Variants in SNTB1 observed in about 807,000 individuals in gnomAD.
SNTB1 encodes syntrophin beta 1.
In SNTB1, 36 loss-of-function variants were observed where a neutral mutation model predicts 48.9. The ratio of observed to expected loss-of-function variants is 0.74; its 90% confidence interval spans 0.56 to 0.97. The LOEUF (loss-of-function observed/expected upper bound fraction) is 0.97, where lower values mean the gene tolerates loss of function less well. Ranked by LOEUF, SNTB1 falls within the 50% of genes least tolerant of loss-of-function variation. The probability of loss-of-function intolerance (pLI) is 0.00; values close to 1 mark genes in which losing one functional copy is unlikely to be tolerated. For missense variants in SNTB1, 786 were observed against 703.4 expected (o/e 1.12, Z -1.33); for synonymous variants, 299 against 294.6 (o/e 1.01, Z -0.15).
At chr8:120,789,094 C>T (rs2130147723) in intron 1 of SNTB1, among the ~76,000 whole-genome samples, 2 of 152,062 alleles carry the variant, frequency 1.3e-5, no homozygotes, top group South Asian at 4.1e-4. Context: ...AAGTAACCTT[C>T]AAACCATACA....
At chr8:120,806,743 A>G (rs1229544984) in intron 1 of SNTB1, among the ~76,000 whole-genome samples, 1 of 152,190 alleles carries the variant, frequency 6.6e-6, no homozygotes, top group Admixed American at 6.5e-5. Flanking sequence ...TGTAAAAGTG[A>G]AACTAGTAGA....
At chr8:120,571,781 G>A (rs182821759) in intron 4 of SNTB1, among the ~76,000 whole-genome samples, 85 of 152,242 alleles carry the variant, frequency 5.6e-4, no homozygotes, top group South Asian at 1.0e-3. Context: ...TTACAGGCAT[G>A]AGCCAGCATA....
intron 1 of SNTB1, among the ~76,000 whole-genome samples, chr8:120,766,236 A>G (rs1313740326): frequency 6.6e-6 from 1 of 152,138 alleles, no homozygotes; most frequent in Non-Finnish European, 1.5e-5. Context: ...AATCCTCACA[A>G]TGAGGTTAGT....
intron 1 of SNTB1, among the ~76,000 whole-genome samples, chr8:120,754,029 T>A (rs1819268825): frequency 6.6e-6 from 1 of 152,158 alleles, no homozygotes; most frequent in Non-Finnish European, 1.5e-5. Flanking sequence ...GACTAAAGTT[T>A]GTAAACTAAT....
chr8:120,633,322 C>G (rs1336055185), intron 2 of SNTB1, among the ~76,000 whole-genome samples: 1 of 152,108 alleles, frequency 6.6e-6, no homozygotes, highest in Non-Finnish European at 1.5e-5. Flanking sequence ...ATTTAAAGTC[C>G]AGGCCCACCA....
At chr8:120,617,154 T>C (rs1441792648) in intron 3 of SNTB1, among the ~76,000 whole-genome samples, 1 of 152,228 alleles carries the variant, frequency 6.6e-6, no homozygotes, top group Non-Finnish European at 1.5e-5. Context: ...ATTTTGTGTG[T>C]GGGCCAAGAC....
chr8:120,693,653 G>T, intron 2 of SNTB1, 39 bp downstream of exon 2: 1 of 1,572,890 alleles, frequency 6.4e-7, no homozygotes, highest in Non-Finnish European at 8.7e-7. Context: ...AGAGGCCGAG[G>T]AGCTGCTTGA....
intron 5 of SNTB1, among the ~76,000 whole-genome samples, chr8:120,544,790 CTTT>C (rs113100073): frequency 3.1e-3 from 353 of 114,122 alleles, no homozygotes; most frequent in Non-Finnish European, 4.5e-3. Flanking sequence ...AAATTCAAAA[CTTT>C]TTTTTTTTTT....
intron 1 of SNTB1, chr8:120,775,528 T>G (rs1045689356): frequency 5.9e-5 from 9 of 151,318 alleles, no homozygotes; most frequent in African/African-American, 2.2e-4. Context: ...ATACTAGCAG[T>G]AAGTATAAAA....
chr8:120,678,300 T>C (rs944742175), intron 2 of SNTB1, among the ~76,000 whole-genome samples: 20 of 152,290 alleles, frequency 1.3e-4, no homozygotes, highest in African/African-American at 4.8e-4. Context: ...TAAAACCAGC[T>C]TGGCATTGTG....
intron 1 of SNTB1, among the ~76,000 whole-genome samples, chr8:120,780,866 T>C (rs767341645): frequency 2.0e-5 from 3 of 152,228 alleles, no homozygotes; most frequent in Non-Finnish European, 2.9e-5. Context: ...AAAAGTAACA[T>C]ACAATATTTT....
intron 1 of SNTB1, among the ~76,000 whole-genome samples, chr8:120,748,109 A>G (rs952162296): frequency 2.6e-5 from 4 of 152,168 alleles, no homozygotes; most frequent in African/African-American, 9.7e-5. Flanking sequence ...AAATAACTCA[A>G]ACTTTTCACT....
chr8:120,737,143 G>C (rs1818959529), intron 1 of SNTB1, among the ~76,000 whole-genome samples: 1 of 152,092 alleles, frequency 6.6e-6, no homozygotes, highest in Admixed American at 6.5e-5. Context: ...TAAAATATGG[G>C]TATTAAAAAT....
intron 1 of SNTB1, among the ~76,000 whole-genome samples, chr8:120,777,841 AT>A (rs1219494775): frequency 1.3e-5 from 2 of 152,236 alleles, no homozygotes; most frequent in African/African-American, 4.8e-5. Flanking sequence ...ACAGGGACAG[AT>A]TTAGACAATA....
At chr8:120,800,949 T>G (rs12547700) in intron 1 of SNTB1, among the ~76,000 whole-genome samples, 34,346 of 151,820 alleles carry the variant, frequency 0.23, 5,777 homozygotes, top group African/African-American at 0.45. Flanking sequence ...ATGAATAGAG[T>G]TTAAAATATT....
At chr8:120,572,118 C>T (rs1273466953) in intron 4 of SNTB1, among the ~76,000 whole-genome samples, 1 of 152,106 alleles carries the variant, frequency 6.6e-6, no homozygotes, top group Non-Finnish European at 1.5e-5. Flanking sequence ...AATTCTTGCT[C>T]TGCTACTGGG....
At position 120,729,977 on chromosome 8, in the gene SNTB1, C is replaced by A. The variant is rs187253726; in HGVS notation, c.572-36069G>T. Among the ~76,000 whole-genome samples, 7 of 152,280 alleles carry A rather than the reference C, an allele frequency of 4.6e-5. No homozygotes were observed. The East Asian group carries it at 9.6e-4, about 21-fold the overall frequency. The stretch of plus-strand genomic sequence containing the variant: ...AGGTCAACTGCAAACACAGAGCCTG[C>A]GAAAGCAGTTGTCTCACTCAACATA... On this transcript the variant is annotated intron_variant, in intron 1 of 6. Transcript: ENST00000517992.
chr8:120,661,658 G>A (rs540331386), intron 2 of SNTB1, among the ~76,000 whole-genome samples: 126 of 151,952 alleles, frequency 8.3e-4, no homozygotes, highest in African/African-American at 2.8e-3. Context: ...TCCCCACAAC[G>A]CCCCATAGGT....
rs775174287 is a variant in SNTB1, at chr8:120,539,046, G to A, written c.1525-77C>T. On this transcript the variant is annotated intron_variant, in intron 6 of 6. Transcript: ENST00000517992. ...TAGATGGGTGATTTGCACATCAAAC[G>A]AATCTATATGCACTTCCTTCTTTTA... 2.5e-4 allele frequency: 254 copies of A among 1,010,226 alleles called. 2 individuals are homozygous for A. Among genetic ancestry groups the A allele is most frequent in the Middle Eastern group, 2.3e-3 (11 of 4,686 alleles). The allele number at this position is 1,010,226 out of a possible 1,614,324, so 62.6% of individuals were successfully genotyped here. A position where few individuals can be genotyped will look rare whatever the true frequency, so the allele number is the denominator to read the frequency against.
Sources: allele counts gnomAD v4.1 joint callset (sites outside exome capture counted in the v4.1 genomes callset), GRCh38; gene constraint gnomAD v4.1.1; transcripts MANE v1.5; gene names NCBI Gene and HGNC (gene_info 2026-07-23, HGNC 2026-07-21).